PAQR7: variants seen among roughly 807,000 people sequenced by gnomAD.
PAQR7 encodes membrane progestin receptor alpha.
In PAQR7, 14 loss-of-function variants were observed where a neutral mutation model predicts 24.6. That is an observed-to-expected ratio of 0.57 (90% confidence interval 0.38 to 0.89). The LOEUF (loss-of-function observed/expected upper bound fraction) is 0.89. PAQR7 is among the 40% of genes least tolerant of loss of function. The pLI is 0.00. For missense variants in PAQR7, 351 were observed against 444.0 expected (o/e 0.79, Z 1.88); for synonymous variants, 189 against 198.8 (o/e 0.95, Z 0.42).
At chr1:25,867,187 C>T (rs1281926198) in intron 2 of PAQR7, among the ~76,000 whole-genome samples, 2 of 151,946 alleles carry the variant, frequency 1.3e-5, no homozygotes, top group East Asian at 3.9e-4. Context: ...CCATGCTCAG[C>T]TGATTTTTTA....
chr1:25,868,895 G>A (rs1235744117), intron 2 of PAQR7, among the ~76,000 whole-genome samples: 5 of 152,014 alleles, frequency 3.3e-5, no homozygotes, highest in African/African-American at 4.8e-5. Context: ...TTGGGAGGCC[G>A]AGGTGGGTGG....
Position 25,863,436 on chromosome 1 carries a change from T to C in PAQR7, c.404A>G (p.His135Arg), listed in dbSNP as rs569125464. 5 of 1,614,180 alleles carry C rather than the reference T, an allele frequency of 3.1e-6. No individual in the cohort carries two copies. The South Asian group carries it at 4.4e-5, about 14-fold the overall frequency. ...HLLQAKSEFW[H>R]YSFFFLDYVG... ...ATAGTCCAGGAAGAAGAAGCTGTAA[T>C]GCCAGAACTCAGACTTGGCCTGCAG... The change falls in exon 3 of 3, where the codon CAT becomes CGT. Residue 135 changes from histidine (H) to arginine (R), a missense_variant. His to Arg is a conservative substitution (Grantham distance 29). Transcript: ENST00000675840. The surrounding 1 kb of genome is among the most constrained non-coding windows in gnomAD (Gnocchi z 6.1).
rs1333678143 is a variant in PAQR7, at chr1:25,875,034, G to A, written c.-109+454C>T. ...ACCTACATTCCTCCTCCAGAAAGCA[G>A]TGAGCTCCCTGACTGTCCTGCTCCA... On this transcript the variant is annotated intron_variant, in intron 1 of 2. Coordinates refer to ENST00000675840, the MANE Select transcript of PAQR7 (RefSeq NM_178422.6). The surrounding 1 kb of genome is among the most constrained non-coding windows in gnomAD (Gnocchi z 5.4). 6.6e-6 allele frequency among the ~76,000 whole-genome samples: 1 copy of A among 152,192 alleles called. No individual in the cohort carries two copies. The highest frequency in any genetic ancestry group is 1.5e-5 in the Non-Finnish European group (1 of 68,032).
chr1:25,863,455 C>G lies in PAQR7; in HGVS notation c.385G>C (p.Ala129Pro). 6.2e-7 allele frequency: 1 copy of G among 1,614,190 alleles called. No individual in the cohort carries two copies. Among genetic ancestry groups the G allele is most frequent in the South Asian group, 1.1e-5 (1 of 91,078 alleles). The change falls in exon 3 of 3, where the codon GCC becomes CCC. Residue 129 changes from alanine to proline, a missense_variant. Ala to Pro is a conservative substitution (Grantham distance 27). Coordinates refer to ENST00000675840, the MANE Select transcript of PAQR7 (RefSeq NM_178422.6). The surrounding 1 kb of genome is among the most constrained non-coding windows in gnomAD (Gnocchi z 6.1). Reference protein sequence around the residue: ...SFSALAHLLQAKSEFWHYSFF... With the variant: ...SFSALAHLLQPKSEFWHYSFF... ...CTGTAATGCCAGAACTCAGACTTGGCCTGCAGGAGGTGAGCCAAGGCACTG... is the reference window on the plus strand; with the variant it reads ...CTGTAATGCCAGAACTCAGACTTGGGCTGCAGGAGGTGAGCCAAGGCACTG...
chr1:25,872,509 ATTTTTT>A (rs55654329), intron 1 of PAQR7, among the ~76,000 whole-genome samples: 295 of 108,900 alleles, frequency 2.7e-3, no homozygotes, highest in Non-Finnish European at 4.2e-3. Context: ...ACACCACAGG[ATTTTTT>A]TTTTTTTTTT....
chr1:25,875,233 GC>G lies in PAQR7; in HGVS notation c.-109+254del, dbSNP rs1557469969. On this transcript the variant is annotated intron_variant, in intron 1 of 2. Coordinates refer to ENST00000675840, the MANE Select transcript of PAQR7 (RefSeq NM_178422.6). The surrounding 1 kb of genome is among the most constrained non-coding windows in gnomAD (Gnocchi z 5.4). ...CTGCTCCTCCCACCCTTCCCAAGAC[GC>G]CCCCATCCAGCGAGCTCCTCCTTCC... Among the ~76,000 whole-genome samples the G allele has an allele frequency of 6.6e-6, 1 of 151,996 alleles. No individual in the cohort carries two copies. Among genetic ancestry groups the G allele is most frequent in the African/African-American group, 2.4e-5 (1 of 41,358 alleles).
intron 2 of PAQR7, among the ~76,000 whole-genome samples, chr1:25,866,396 T>C (rs1269108095): frequency 6.6e-6 from 1 of 152,200 alleles, no homozygotes; most frequent in South Asian, 2.1e-4. Context: ...CAGTTTAACC[T>C]TGATTCATTC....
At position 25,863,694 on chromosome 1, in the gene PAQR7, G is replaced by A. The variant is rs750969371; in HGVS notation, c.146C>T (p.Ala49Val). ...GGTCTGATGCAGCGGCCGGTAGCCCGCATAGATGTACGGCTTCCAGAAGAG... is the reference window on the plus strand; with the variant it reads ...GGTCTGATGCAGCGGCCGGTAGCCCACATAGATGTACGGCTTCCAGAAGAG... The part of the protein sequence containing the change: ...PPLFWKPYIY[A>V]GYRPLHQTWR... The change falls in exon 3 of 3, where the codon GCG becomes GTG. Residue 49 changes from alanine to valine, a missense_variant. Coordinates refer to ENST00000675840, the MANE Select transcript of PAQR7 (RefSeq NM_178422.6). The surrounding 1 kb of genome is among the most constrained non-coding windows in gnomAD (Gnocchi z 6.1). The A allele has an allele frequency of 2.2e-5, 35 of 1,614,066 alleles. No homozygotes were observed. Among genetic ancestry groups the A allele is most frequent in the Admixed American group, 6.7e-5 (4 of 60,012 alleles).
At chr1:25,873,174 GGGTGT>G (rs2048618889) in intron 1 of PAQR7, among the ~76,000 whole-genome samples, 1 of 152,228 alleles carries the variant, frequency 6.6e-6, no homozygotes, top group Non-Finnish European at 1.5e-5. Context: ...TATAGTGGCT[GGGTGT>G]TTACCAAGAA....
At chr1:25,874,383 G>T (rs1465798815) in intron 1 of PAQR7, among the ~76,000 whole-genome samples, 5 of 152,186 alleles carry the variant, frequency 3.3e-5, no homozygotes, top group African/African-American at 1.2e-4. Flanking sequence ...CTGTGGAGCT[G>T]AGACTTACAG....
chr1:25,866,608 T>C (rs1350308317), intron 2 of PAQR7, among the ~76,000 whole-genome samples: 1 of 152,184 alleles, frequency 6.6e-6, no homozygotes, highest in South Asian at 2.1e-4. Flanking sequence ...ACACTATCAT[T>C]ATTCCCATTT....
At chr1:25,867,936 G>A (rs1035631888) in intron 2 of PAQR7, among the ~76,000 whole-genome samples, 2 of 152,190 alleles carry the variant, frequency 1.3e-5, no homozygotes, top group African/African-American at 4.8e-5. Context: ...ATTCCCCAGC[G>A]AGCCTGGCAC....
intron 2 of PAQR7, among the ~76,000 whole-genome samples, chr1:25,864,268 A>G (rs1301260026): frequency 1.3e-5 from 2 of 152,108 alleles, no homozygotes; most frequent in African/African-American, 4.8e-5. Context: ...TCATGCCACC[A>G]TTAGTGTTCA....
intron 2 of PAQR7, among the ~76,000 whole-genome samples, chr1:25,865,465 G>A (rs927952537): frequency 2.6e-5 from 4 of 151,082 alleles, no homozygotes; most frequent in African/African-American, 7.3e-5. Context: ...ACCTGAGGTC[G>A]GGAGGTCGAG....
chr1:25,866,635 G>A lies in PAQR7; in HGVS notation c.-22-2774C>T, dbSNP rs112991824. On this transcript the variant is annotated intron_variant, in intron 2 of 2. Coordinates refer to ENST00000675840, the MANE Select transcript of PAQR7 (RefSeq NM_178422.6). ...TTCCCATTTTCCAGGTAAGGAAACT[G>A]AAGTACAGAGAAGTTAAGTGCCTTG... Among the ~76,000 whole-genome samples, 196 of 152,322 alleles carry A rather than the reference G, an allele frequency of 1.3e-3. 1 individual carries two copies. The highest frequency in any genetic ancestry group is 4.6e-3 in the African/African-American group (191 of 41,562).
intron 1 of PAQR7, among the ~76,000 whole-genome samples, chr1:25,874,182 C>CTTT (rs36099426): frequency 0.048 from 6,694 of 139,922 alleles, 463 homozygotes; most frequent in African/African-American, 0.15. Context: ...CATGCCCAGA[C>CTTT]TTTTTTTTTT....
chr1:25,863,749 A>G lies in PAQR7; in HGVS notation c.91T>C (p.Phe31Leu). 1 of 1,613,722 alleles carries G rather than the reference A, an allele frequency of 6.2e-7. No homozygotes were observed. Among genetic ancestry groups the G allele is most frequent in the Non-Finnish European group, 8.5e-7 (1 of 1,179,964 alleles). ...GGCACCTCAGCTCGATCCACCGTGA[A>G]GACAGGCTCTGGCTGCAGAGATAGC... ...PQLSLQPEPV[F>L]TVDRAEVPPL... Residue 31 changes from phenylalanine (F) to leucine (L), a missense_variant, in exon 3 of 3, where the codon TTC (phenylalanine) becomes CTC (leucine). Physicochemically the swap from Phe to Leu is conservative, Grantham distance 22. Transcript: ENST00000675840. The surrounding 1 kb of genome is among the most constrained non-coding windows in gnomAD (Gnocchi z 6.1).
intron 2 of PAQR7, among the ~76,000 whole-genome samples, chr1:25,868,584 C>T (rs963866515): frequency 6.6e-6 from 1 of 151,854 alleles, no homozygotes; most frequent in Non-Finnish European, 1.5e-5. Context: ...GTGGTGTGCA[C>T]CTGTAGTCCC....
Position 25,863,570 on chromosome 1 carries a change from G to T in PAQR7, c.270C>A (p.Ala90=). 1.9e-6 allele frequency: 3 copies of T among 1,614,212 alleles called. No homozygotes were observed. The highest frequency in any genetic ancestry group is 2.5e-6 in the Non-Finnish European group (3 of 1,180,040). ...LAALVLLLRL[A]LFVETVDFWG... ...AGAAGTCCACGGTCTCCACAAAGAG[G>T]GCCAGCCGCAGCAGCAGTACCAGGG... The change falls in exon 3 of 3, where the codon GCC becomes GCA. Residue 90 remains alanine, a synonymous_variant. Transcript: ENST00000675840. This position sits in a 1 kb window ranked among gnomAD's most constrained non-coding sequence, Gnocchi z 6.1.
Sources: allele counts gnomAD v4.1 joint callset (sites outside exome capture counted in the v4.1 genomes callset), GRCh38; gene constraint gnomAD v4.1.1; non-coding constraint Gnocchi (gnomAD v3.1); transcripts MANE v1.5; gene names NCBI Gene and HGNC (gene_info 2026-07-23, HGNC 2026-07-21).